The following BDP1 variants were observed in gnomAD, a reference collection of about 807,000 sequenced individuals.
The protein encoded by BDP1 is transcription factor TFIIIB component B'' homolog.
A neutral mutation model predicts 266.6 loss-of-function variants in BDP1; 169 were observed. That is an observed-to-expected ratio of 0.63 (90% confidence interval 0.56 to 0.72). The LOEUF is 0.72. Ranked by LOEUF, BDP1 falls within the 30% of genes least tolerant of loss-of-function variation. The pLI, the probability that BDP1 is intolerant of heterozygous loss-of-function variation, is 0.00. For missense variants in BDP1, 3,015 were observed against 3,053.8 expected, an observed-to-expected ratio of 0.99 and a Z score of 0.30; for synonymous variants, 1,090 against 1,022.4, an observed-to-expected ratio of 1.07 and a Z score of -1.26.
At position 71,461,837 on chromosome 5, in the gene BDP1, T is replaced by G. The variant is rs368092331; in HGVS notation, c.510T>G (p.Tyr170Ter). The change falls in exon 3 of 39, where the codon TAT becomes TAG. Residue 170 changes from tyrosine (Y) to a stop codon, truncating the protein, a stop_gained. Coordinates refer to ENST00000358731, the MANE Select transcript of BDP1 (RefSeq NM_018429.3). LOFTEE classifies it high-confidence loss of function. ...RKEKKQWKNK[Y>*]AINESQRPPD... ...TACAGAAACAATGGAAAAACAAATA[T>G]GCTATAAATGAAAGTCAGAGGCCAC... 6.2e-7 allele frequency: 1 copy of G among 1,600,382 alleles called. No individual in the cohort carries two copies. The highest frequency in any genetic ancestry group is 8.5e-7 in the Non-Finnish European group (1 of 1,171,352).
At position 71,509,633 on chromosome 5, in the gene BDP1, G is replaced by A. The variant is rs1388159659; in HGVS notation, c.2541G>A (p.Leu847=). The A allele has an allele frequency of 7.2e-5, 116 of 1,613,236 alleles. No individual in the cohort carries two copies. Among genetic ancestry groups the A allele is most frequent in the Non-Finnish European group, 9.4e-5 (111 of 1,179,854 alleles). ...ILVSGEMAAA[L]RETVRLDTSP... ...TCTCTGGGGAAATGGCGGCAGCATT[G>A]AGAGAAACTGTAAGACTAGACACCT... The change falls in exon 17 of 39, where the codon TTG becomes TTA. Residue 847 remains leucine (L), a synonymous_variant. Transcript: ENST00000358731.
chr5:71,497,361 G>T lies in BDP1; in HGVS notation c.1891G>T (p.Val631Phe). The change falls in exon 13 of 39, where the codon GTT becomes TTT. Residue 631 changes from valine (V) to phenylalanine (F), a missense_variant. Val to Phe is a conservative substitution (Grantham distance 50). Transcript: ENST00000358731. ...TTTGTCAAGGGCTGGGAAGAAATCA[G>T]TTCTTTCACAAGGCAAAACAGAGTC... ...PNLSRAGKKS[V>F]LSQGKTESES... The T allele has an allele frequency of 6.2e-7, 1 of 1,613,736 alleles. No homozygotes were observed. Among genetic ancestry groups the T allele is most frequent in the Non-Finnish European group, 8.5e-7 (1 of 1,179,882 alleles).
intron 26 of BDP1, among the ~76,000 whole-genome samples, chr5:71,537,315 T>G (rs1766684001): frequency 6.6e-6 from 1 of 152,104 alleles, no homozygotes; most frequent in African/African-American, 2.4e-5. Context: ...TAATTCAATA[T>G]CGCACACTGT....
chr5:71,481,614 C>T (rs542773478), intron 7 of BDP1, among the ~76,000 whole-genome samples: 2 of 152,270 alleles, frequency 1.3e-5, no homozygotes, highest in Admixed American at 1.3e-4. Context: ...TGTTAATGTA[C>T]TGCCAACTTC....
At position 71,466,154 on chromosome 5, in the gene BDP1, G is replaced by C; in HGVS notation, c.718G>C (p.Asp240His). 1 of 1,613,876 alleles carries C rather than the reference G, an allele frequency of 6.2e-7. No homozygotes were observed. ...EDNEMEEETD[D>H]GPLLVPRVKV... ...TAATGAAATGGAAGAAGAGACAGAT[G>C]ATGGGCCATTACTGGTTCCTCGAGT... is the stretch of plus-strand genomic sequence containing the variant. Residue 240 changes from aspartate to histidine, a missense_variant, in exon 5 of 39, where the codon GAT becomes CAT. Coordinates refer to ENST00000358731, the MANE Select transcript of BDP1 (RefSeq NM_018429.3).
intron 7 of BDP1, among the ~76,000 whole-genome samples, chr5:71,478,440 A>C (rs1378068838): frequency 6.6e-6 from 1 of 151,886 alleles, no homozygotes; most frequent in East Asian, 1.9e-4. Flanking sequence ...CTGTTGAAAA[A>C]TTTTCTGAGC....
At chr5:71,550,712 A>G (rs1182358118) in intron 34 of BDP1, among the ~76,000 whole-genome samples, 10 of 152,070 alleles carry the variant, frequency 6.6e-5, no homozygotes, top group Admixed American at 6.5e-4. Context: ...AGACTTTAAT[A>G]TTTTTATTTT....
At chr5:71,457,620 A>AT (rs1211762302) in intron 1 of BDP1, among the ~76,000 whole-genome samples, 1 of 151,500 alleles carries the variant, frequency 6.6e-6, no homozygotes, top group Non-Finnish European at 1.5e-5. Context: ...GCCTCTTTTT[A>AT]TTTTTTTGTG....
At chr5:71,535,173 T>C (rs7448422) in intron 26 of BDP1, among the ~76,000 whole-genome samples, 120,150 of 151,868 alleles carry the variant, frequency 0.79, 48,021 homozygotes, top group East Asian at 0.88. Flanking sequence ...GAGGAGATTA[T>C]GTCCTGATAA....
In BDP1 at chr5:71,539,667, G is replaced by GGGACA; in HGVS notation, c.6022+18_6022+19insGGACA. 1 of 1,545,434 alleles carries GGGACA rather than the reference G, an allele frequency of 6.5e-7. No homozygotes were observed. Among genetic ancestry groups the GGGACA allele is most frequent in the Non-Finnish European group, 8.8e-7 (1 of 1,131,346 alleles). ...GGGTGATGGTAAGAATGAAAGCTAA[G>GGGACA]TCCTATCAAAAATAGAAACTTTTAA... On this transcript the variant is annotated intron_variant, in intron 28 of 38. Coordinates refer to ENST00000358731, the MANE Select transcript of BDP1 (RefSeq NM_018429.3).
intron 3 of BDP1, among the ~76,000 whole-genome samples, chr5:71,463,057 G>A (rs2150350193): frequency 6.6e-6 from 1 of 152,156 alleles, no homozygotes; most frequent in East Asian, 1.9e-4. Context: ...AGGCAGCAGT[G>A]AGCCAAGATT....
intron 34 of BDP1, 52 bp downstream of exon 34, chr5:71,549,658 T>C: frequency 5.6e-6 from 8 of 1,426,848 alleles, no homozygotes; most frequent in Non-Finnish European, 7.6e-6. Context: ...ATTTATGAAC[T>C]AAGTAGCATT....
At chr5:71,575,191 A>G in the BDP1 span, among the ~76,000 whole-genome samples, 1 of 152,248 alleles carries the variant, frequency 6.6e-6, no homozygotes, top group Non-Finnish European at 1.5e-5. Context: ...GTTGAAGAAC[A>G]TGGGATATCA....
At position 71,458,743 on chromosome 5, in the gene BDP1, C is replaced by T; in HGVS notation, c.377C>T (p.Pro126Leu). 1.2e-6 allele frequency: 2 copies of T among 1,614,090 alleles called. No homozygotes were observed. Among genetic ancestry groups the T allele is most frequent in the Non-Finnish European group, 8.5e-7 (1 of 1,180,008 alleles). Residue 126 changes from proline to leucine, a missense_variant, in exon 2 of 39, where the codon CCA becomes CTA. Transcript: ENST00000358731. Reference sequence around the variant, plus strand: ...TTATCTACAATTAATCAAGAGGCTCCACAGCCAACTGCCACTTCAACAAAA... The same window carrying T: ...TTATCTACAATTAATCAAGAGGCTCTACAGCCAACTGCCACTTCAACAAAA... The part of the protein sequence containing the change: ...HPLSTINQEA[P>L]QPTATSTKEK...
Position 71,522,487 on chromosome 5 carries a change from A to C in BDP1, c.5190A>C (p.Leu1730=). 6.3e-7 allele frequency: 1 copy of C among 1,580,508 alleles called. No homozygotes were observed. The change falls in exon 23 of 39, where the codon CTA becomes CTC. Residue 1730 remains leucine, a synonymous_variant. Coordinates refer to ENST00000358731, the MANE Select transcript of BDP1 (RefSeq NM_018429.3). ...GAGCTTCCAACACCCAGCTCCTTCT[A>C]AAAGTAAGTTTGGGCAAAAAAAAAA... ...QKGASNTQLL[L]KEKAELLTSL...
chr5:71,541,433 GTTT>G lies in BDP1; in HGVS notation c.6023-9_6023-7del, dbSNP rs370269048. On this transcript the variant is annotated intron_variant, in intron 28 of 38. Transcript: ENST00000358731. Reference sequence around the variant, plus strand: ...CTATAATTTGGTCCATTTTAATTTTGTTTTTTTTTTTTTTCTTCAGTAGGAGTA... The same window carrying G: ...CTATAATTTGGTCCATTTTAATTTTGTTTTTTTTTTTCTTCAGTAGGAGTA... 11 of 764,700 alleles carry G rather than the reference GTTT, an allele frequency of 1.4e-5. No homozygotes were observed. The highest frequency in any genetic ancestry group is 3.4e-5 in the South Asian group (1 of 29,350). 47.4% of individuals were successfully genotyped at this position (764,700 alleles called of 1,614,324 possible). A position where few individuals can be genotyped will look rare whatever the true frequency, so the allele number is the denominator to read the frequency against.
chr5:71,523,720 C>T (rs1233074828), intron 24 of BDP1, among the ~76,000 whole-genome samples: 1 of 152,148 alleles, frequency 6.6e-6, no homozygotes, highest in Non-Finnish European at 1.5e-5. Context: ...TAAAAACTTA[C>T]TATGAAAAAT....
At chr5:71,517,891 C>A (rs1453996783) in intron 22 of BDP1, among the ~76,000 whole-genome samples, 2 of 151,964 alleles carry the variant, frequency 1.3e-5, no homozygotes, top group African/African-American at 4.8e-5. Flanking sequence ...CATAGTGAGA[C>A]CTCGTCTCTA....
intron 25 of BDP1, among the ~76,000 whole-genome samples, chr5:71,528,524 G>T (rs140924669): frequency 6.6e-6 from 1 of 152,290 alleles, no homozygotes; most frequent in Non-Finnish European, 1.5e-5. Context: ...AAAAGAAGCA[G>T]TAAGAAACAG....
Sources: allele counts gnomAD v4.1 joint callset (sites outside exome capture counted in the v4.1 genomes callset), GRCh38; gene constraint gnomAD v4.1.1; transcripts MANE v1.5; gene names NCBI Gene and HGNC (gene_info 2026-07-23, HGNC 2026-07-21).